TMPRSS15: variants seen among roughly 807,000 people sequenced by gnomAD.
TMPRSS15 encodes the protein enteropeptidase.
In TMPRSS15, 128 loss-of-function variants were observed where a neutral mutation model predicts 125.3. The observed-to-expected ratio is 1.02, with a 90% CI of 0.89 to 1.18. The LOEUF (loss-of-function observed/expected upper bound fraction) is 1.18, where lower values mean the gene tolerates loss of function less well. Ranked by LOEUF, TMPRSS15 falls within the 50% of genes most tolerant of loss-of-function variation. The pLI, the probability that TMPRSS15 is intolerant of heterozygous loss-of-function variation, is 0.00. For synonymous variants in TMPRSS15, 446 were observed against 423.2 expected (o/e 1.05, Z -0.66); for missense variants, 1,283 against 1,212.7 (o/e 1.06, Z -0.86).
In TMPRSS15 at chr21:18,279,078, A is replaced by C; in HGVS notation, c.2669-19T>G. The C allele has an allele frequency of 7.8e-7, 1 of 1,275,866 alleles. No homozygotes were observed. The highest frequency in any genetic ancestry group is 1.2e-5 in the South Asian group (1 of 82,658). 79.0% of individuals were successfully genotyped at this position (1,275,866 alleles called of 1,614,324 possible). On this transcript the variant is annotated intron_variant, in intron 22 of 24. Coordinates refer to ENST00000284885, the MANE Select transcript of TMPRSS15 (RefSeq NM_002772.3). Reference sequence around the variant, plus strand: ...ATGTAATCTGGAAAAACAAGCAAACAGCAAAACGAACAAACGAAGAAAAAG... The same window carrying C: ...ATGTAATCTGGAAAAACAAGCAAACCGCAAAACGAACAAACGAAGAAAAAG...
intron 1 of TMPRSS15, among the ~76,000 whole-genome samples, chr21:18,450,442 A>G (rs981870202): frequency 6.6e-6 from 1 of 152,196 alleles, no homozygotes; most frequent in Non-Finnish European, 1.5e-5. Context: ...GTTTCTGCTT[A>G]AGAATTATAA....
intron 15 of TMPRSS15, 30 bp downstream of exon 15, chr21:18,329,139 A>T (rs934184780): frequency 6.2e-7 from 1 of 1,610,712 alleles, no homozygotes; most frequent in Admixed American, 1.7e-5. Flanking sequence ...GAGCTTTACA[A>T]CCTTTACAAT....
At chr21:18,427,600 G>A (rs1054102451) in intron 1 of TMPRSS15, among the ~76,000 whole-genome samples, 2 of 152,130 alleles carry the variant, frequency 1.3e-5, no homozygotes, top group East Asian at 3.9e-4. Flanking sequence ...GCTCAGGACC[G>A]ACCTACTTCC....
chr21:18,291,687 C>G (rs2074837144), intron 21 of TMPRSS15, among the ~76,000 whole-genome samples: 1 of 151,892 alleles, frequency 6.6e-6, no homozygotes, highest in Non-Finnish European at 1.5e-5. Context: ...CTATCTAAAA[C>G]AATATCAGAA....
Position 18,343,652 on chromosome 21 carries a change from G to A in TMPRSS15, c.1282C>T (p.His428Tyr), listed in dbSNP as rs1406741770. 6.2e-7 allele frequency: 1 copy of A among 1,613,214 alleles called. No homozygotes were observed. The highest frequency in any genetic ancestry group is 1.3e-5 in the African/African-American group (1 of 74,856). ...LEPACLSFWY[H>Y]MYGENVHKLS... ...TTATGGACATTTTCACCATACATAT[G>A]ATACCTAGTTTGGAAAGAAGCAAAA... The change falls in exon 12 of 25, where the codon CAT becomes TAT. Residue 428 changes from histidine to tyrosine, a missense_variant. His to Tyr is a moderately conservative substitution (Grantham distance 83). Transcript: ENST00000284885.
At chr21:18,372,422 G>T in intron 5 of TMPRSS15, 98 bp from the exon 6 acceptor site, 7 of 1,027,416 alleles carry the variant, frequency 6.8e-6, no homozygotes, top group Non-Finnish European at 1.0e-5. Flanking sequence ...TTACTTATAA[G>T]TATGTTCTTC....
At chr21:18,370,115 G>A (rs1484785219) in intron 6 of TMPRSS15, among the ~76,000 whole-genome samples, 2 of 151,980 alleles carry the variant, frequency 1.3e-5, no homozygotes, top group East Asian at 3.9e-4. Flanking sequence ...AACGCAGTTT[G>A]ACTATATTTT....
intron 1 of TMPRSS15, among the ~76,000 whole-genome samples, chr21:18,413,766 C>T (rs910300890): frequency 4.6e-5 from 7 of 151,824 alleles, no homozygotes; most frequent in East Asian, 3.9e-4. Flanking sequence ...CTTGCTCTGT[C>T]GCCCAGACTG....
At chr21:18,310,470 A>G (rs184385506) in intron 18 of TMPRSS15, among the ~76,000 whole-genome samples, 6 of 152,144 alleles carry the variant, frequency 3.9e-5, no homozygotes, top group Non-Finnish European at 8.8e-5. Context: ...AATCACAAAA[A>G]AAAACAAACA....
chr21:18,478,018 G>A (rs1978911755), intron 1 of TMPRSS15, among the ~76,000 whole-genome samples: 1 of 151,996 alleles, frequency 6.6e-6, no homozygotes, highest in Non-Finnish European at 1.5e-5. Context: ...GTGAGGAATG[G>A]AATACATAAA....
chr21:18,458,585 C>A (rs770601247), intron 1 of TMPRSS15, among the ~76,000 whole-genome samples: 38 of 152,230 alleles, frequency 2.5e-4, no homozygotes, highest in Non-Finnish European at 5.3e-4. Flanking sequence ...ATTTCTGACA[C>A]GGGGTAGCTG....
chr21:18,320,520 T>C (rs1304960599), intron 16 of TMPRSS15, among the ~76,000 whole-genome samples: 1 of 152,216 alleles, frequency 6.6e-6, no homozygotes, highest in Admixed American at 6.5e-5. Context: ...AACAGACAAA[T>C]ATCTGAATTA....
intron 18 of TMPRSS15, among the ~76,000 whole-genome samples, chr21:18,299,425 A>G (rs1180968655): frequency 6.6e-6 from 1 of 152,216 alleles, no homozygotes; most frequent in Non-Finnish European, 1.5e-5. Flanking sequence ...GTTTTGGTAG[A>G]AATCCTCACA....
intron 3 of TMPRSS15, among the ~76,000 whole-genome samples, chr21:18,384,606 A>C (rs1285311060): frequency 6.6e-6 from 1 of 152,078 alleles, no homozygotes; most frequent in Non-Finnish European, 1.5e-5. Context: ...TCCTGCTTAC[A>C]TTTCTATTTG....
chr21:18,324,037 G>A (rs2075265935), intron 16 of TMPRSS15, among the ~76,000 whole-genome samples: 1 of 151,746 alleles, frequency 6.6e-6, no homozygotes, highest in African/African-American at 2.4e-5. Context: ...TTTCCCTCTT[G>A]AAATTTAAAA....
At chr21:18,454,537 C>A (rs1978403560) in intron 1 of TMPRSS15, among the ~76,000 whole-genome samples, 1 of 152,080 alleles carries the variant, frequency 6.6e-6, no homozygotes, top group Non-Finnish European at 1.5e-5. Context: ...TGGTATAATT[C>A]ATTCTGAGTA....
At chr21:18,393,791 G>A (rs1260574845) in intron 3 of TMPRSS15, among the ~76,000 whole-genome samples, 1 of 152,050 alleles carries the variant, frequency 6.6e-6, no homozygotes, top group Non-Finnish European at 1.5e-5. Context: ...TTAACCCAAA[G>A]GTGCCCTTTG....
At chr21:18,389,828 T>A (rs1171905520) in intron 3 of TMPRSS15, among the ~76,000 whole-genome samples, 2 of 152,214 alleles carry the variant, frequency 1.3e-5, no homozygotes, top group African/African-American at 4.8e-5. Context: ...TTTGTGATGA[T>A]CCGATACCAA....
Position 18,353,016 on chromosome 21 carries a change from A to C in TMPRSS15, c.1058T>G (p.Phe353Cys), listed in dbSNP as rs2075586555. 3 of 1,611,386 alleles carry C rather than the reference A, an allele frequency of 1.9e-6. No homozygotes were observed. Among genetic ancestry groups the C allele is most frequent in the African/African-American group, 1.3e-5 (1 of 74,882 alleles). ...ATTTAGATCCTGGACCCAGAAACAA[A>C]AGCCATCCTCAAAGTTACAATTAAT... ...EKINCNFEDG[F>C]CFWVQDLNDD... The change falls in exon 10 of 25, where the codon TTT becomes TGT. Residue 353 changes from phenylalanine (F) to cysteine (C), a missense_variant. Transcript: ENST00000284885.
Sources: allele counts gnomAD v4.1 joint callset (sites outside exome capture counted in the v4.1 genomes callset), GRCh38; gene constraint gnomAD v4.1.1; transcripts MANE v1.5; gene names NCBI Gene and HGNC (gene_info 2026-07-23, HGNC 2026-07-21).